The following WDR62 variants were observed in gnomAD, a reference collection of about 807,000 sequenced individuals.
The protein encoded by WDR62 is WD repeat domain 62.
In WDR62, 112 loss-of-function variants were observed where a neutral mutation model predicts 160.6. The observed-to-expected ratio is 0.70, with a 90% CI of 0.60 to 0.82. WDR62 has a LOEUF of 0.82. Ranked by LOEUF, WDR62 falls within the 40% of genes least tolerant of loss-of-function variation. WDR62 has a pLI of 0.00. For synonymous variants in WDR62, 792 were observed against 815.1 expected (o/e 0.97, Z 0.48); for missense variants, 1,819 against 1,983.8 (o/e 0.92, Z 1.58).
intron 1 of WDR62, among the ~76,000 whole-genome samples, chr19:36,057,532 T>TTG (rs1970431206): frequency 6.6e-6 from 1 of 151,648 alleles, no homozygotes; most frequent in Non-Finnish European, 1.5e-5. Context: ...TTTTTTTTTT[T>TTG]GAGACAGAGT....
At chr19:36,093,817 C>T (rs945842422) in intron 19 of WDR62, among the ~76,000 whole-genome samples, 8 of 152,206 alleles carry the variant, frequency 5.3e-5, no homozygotes, top group Admixed American at 2.6e-4. Context: ...AGTTTGCATT[C>T]GTTTGTAGCC....
intron 15 of WDR62, among the ~76,000 whole-genome samples, 173 bp downstream of exon 15, chr19:36,089,479 T>C (rs1972459343): frequency 6.6e-6 from 1 of 152,172 alleles, no homozygotes; most frequent in Non-Finnish European, 1.5e-5. Context: ...TCTTGCTCTG[T>C]TGCCCATGCT....
rs376975462 is a variant in WDR62 at position 36,091,471 on chromosome 19, A to T, written c.2210+6A>T. 3.1e-6 allele frequency: 5 copies of T among 1,613,702 alleles called. No homozygotes were observed. In the African/African-American group the frequency reaches 5.3e-5, roughly 17 times the overall value. ...ATCACAGTATCTGGAGACAGGTGGG[A>T]CATGGACCTTTGGGAGAGTTGTGGC... is the stretch of plus-strand genomic sequence containing the variant. On this transcript the variant is annotated splice_donor_region_variant and intron_variant, in intron 18 of 31. Transcript: ENST00000401500.
At chr19:36,078,564 G>T (rs1441087912) in intron 9 of WDR62, among the ~76,000 whole-genome samples, 4 of 151,890 alleles carry the variant, frequency 2.6e-5, no homozygotes, top group African/African-American at 9.7e-5. Context: ...GCCCAGCGTG[G>T]TGGCTCACGT....
Position 36,092,586 on chromosome 19 carries a change from A to G in WDR62, c.2211-103A>G. 10 of 1,518,742 alleles carry G rather than the reference A, an allele frequency of 6.6e-6. No homozygotes were observed. In the South Asian group the frequency reaches 1.1e-4, roughly 17 times the overall value. The allele number at this position is 1,518,742 out of a possible 1,614,324, so 94.1% of individuals were successfully genotyped here. A position where few individuals can be genotyped will look rare whatever the true frequency, so the allele number is the denominator to read the frequency against. ...TGTGTTTTCCAGGAGCATCTGGAGA[A>G]TGGGGTCCAGGCTGTGGTGTGGGTG... On this transcript the variant is annotated intron_variant, in intron 18 of 31. Transcript: ENST00000401500.
chr19:36,085,414 CTTTTTTTTT>C (rs35753706), intron 12 of WDR62, among the ~76,000 whole-genome samples: 2 of 70,382 alleles, frequency 2.8e-5, no homozygotes, highest in East Asian at 7.8e-4. Context: ...CACACCTGAC[CTTTTTTTTT>C]TTTTTTTTTT....
chr19:36,059,932 C>T, intron 2 of WDR62, 36 bp from the exon 3 acceptor site: 1 of 1,611,904 alleles, frequency 6.2e-7, no homozygotes, highest in Non-Finnish European at 8.5e-7. Flanking sequence ...CCCAACACTC[C>T]CCACAGTTGA....
rs571819574 is a variant in WDR62, at chr19:36,056,211, G to T, written c.177+1063G>T. Among the ~76,000 whole-genome samples the T allele has an allele frequency of 6.6e-5, 10 of 152,196 alleles. No homozygotes were observed. In the East Asian group the frequency reaches 1.9e-3, roughly 29 times the overall value. ...TTATACTATTGCATTGGAGGGAAATGAAATTTTAATTGTGATCTTCTTGGC... is the reference window on the plus strand; with the variant it reads ...TTATACTATTGCATTGGAGGGAAATTAAATTTTAATTGTGATCTTCTTGGC... On this transcript the variant is annotated intron_variant, in intron 1 of 31. Transcript: ENST00000401500.
intron 22 of WDR62, 31 bp downstream of exon 22, chr19:36,099,648 G>T: frequency 1.2e-6 from 2 of 1,610,738 alleles, no homozygotes; most frequent in Admixed American, 1.7e-5. Context: ...CTGGCCCATA[G>T]CCCCGGCACC....
rs965769049 is a variant in WDR62 at position 36,093,956 on chromosome 19, C to T, written c.2334-75C>T. 3 of 1,580,966 alleles carry T rather than the reference C, an allele frequency of 1.9e-6. No individual in the cohort carries two copies. In the African/African-American group the frequency reaches 4.0e-5, roughly 21 times the overall value. On this transcript the variant is annotated intron_variant, in intron 19 of 31. Coordinates refer to ENST00000401500, the MANE Select transcript of WDR62 (RefSeq NM_001083961.2). ...GTTCACATGGAGCTTAGCACAGGGC[C>T]CAGCCCTAGGCAAGTCCCCACCACC...
At chr19:36,068,738 G>A (rs1382941531) in intron 7 of WDR62, among the ~76,000 whole-genome samples, 1 of 152,192 alleles carries the variant, frequency 6.6e-6, no homozygotes, top group Non-Finnish European at 1.5e-5. Context: ...ACAAAATGAA[G>A]TCTCCCATGT....
At chr19:36,064,465 T>C (rs1970828747) in intron 3 of WDR62, among the ~76,000 whole-genome samples, 1 of 151,866 alleles carries the variant, frequency 6.6e-6, no homozygotes, top group South Asian at 2.1e-4. Flanking sequence ...ATTTTTAGTA[T>C]AGACAGGGTT....
At chr19:36,057,053 G>A (rs983125445) in intron 1 of WDR62, among the ~76,000 whole-genome samples, 1 of 152,094 alleles carries the variant, frequency 6.6e-6, no homozygotes, top group Non-Finnish European at 1.5e-5. Context: ...GAGCTCAAGC[G>A]ATCTGCCTGC....
rs1266412866 is a variant in WDR62 at position 36,089,303 on chromosome 19, T to C, written c.1955T>C (p.Val652Ala). The C allele has an allele frequency of 6.2e-7, 1 of 1,614,036 alleles. No homozygotes were observed. Among genetic ancestry groups the C allele is most frequent in the African/African-American group, 1.3e-5 (1 of 74,930 alleles). The change falls in exon 15 of 32, where the codon GTG becomes GCG. Residue 652 changes from valine to alanine, a missense_variant. Val to Ala is a moderately conservative substitution (Grantham distance 64, BLOSUM62 0). This residue lies in a region of WDR62 where 934 missense variants were observed against 1,157.2 expected (regional missense o/e 0.81). Coordinates refer to ENST00000401500, the MANE Select transcript of WDR62 (RefSeq NM_001083961.2). Reference sequence around the variant, plus strand: ...GCCGTGGCCTGCCAGGACCGCAATGTGAGGTAAGGGGTGGCCCTGGACCCT... The same window carrying C: ...GCCGTGGCCTGCCAGGACCGCAATGCGAGGTAAGGGGTGGCCCTGGACCCT... ...YVAVACQDRN[V>A]RVYNTVNGKQ...
rs1311585038 is a variant in WDR62, at chr19:36,103,373, T to A, written c.3545T>A (p.Val1182Asp). 1.2e-6 allele frequency: 2 copies of A among 1,613,766 alleles called. No individual in the cohort carries two copies. Among genetic ancestry groups the A allele is most frequent in the East Asian group, 2.2e-5 (1 of 44,828 alleles). ...PPCLTSLASCVPASSVLPTDR... is the reference protein window; with the variant it reads ...PPCLTSLASCDPASSVLPTDR... Reference sequence around the variant, plus strand: ...TGCCTTACGAGCCTGGCGTCCTGTGTCCCTGCTTCCTCCGTGCTGCCCACA... The same window carrying A: ...TGCCTTACGAGCCTGGCGTCCTGTGACCCTGCTTCCTCCGTGCTGCCCACA... The change falls in exon 30 of 32, where the codon GTC becomes GAC. Residue 1182 changes from valine to aspartate, a missense_variant. This residue lies in a region of WDR62 where 770 missense variants were observed against 734.2 expected (regional missense o/e 1.05). Coordinates refer to ENST00000401500, the MANE Select transcript of WDR62 (RefSeq NM_001083961.2).
chr19:36,073,211 G>A, intron 8 of WDR62, 131 bp from the exon 9 acceptor site: 1 of 878,080 alleles, frequency 1.1e-6, no homozygotes, highest in Non-Finnish European at 1.9e-6. Context: ...TAGAATTGGA[G>A]CAGGAGAGAT....
At chr19:36,079,342 G>A (rs991818676) in intron 9 of WDR62, among the ~76,000 whole-genome samples, 3 of 152,198 alleles carry the variant, frequency 2.0e-5, no homozygotes, top group Non-Finnish European at 2.9e-5. Flanking sequence ...GCCTCCCAAA[G>A]TGCTGGGATT....
At chr19:36,097,554 G>T (rs546946906) in intron 21 of WDR62, among the ~76,000 whole-genome samples, 10 of 151,468 alleles carry the variant, frequency 6.6e-5, no homozygotes, top group Admixed American at 5.3e-4. Context: ...ACACTCCAGC[G>T]TGGGCAACAG....
At chr19:36,067,517 C>A in intron 6 of WDR62, 74 bp downstream of exon 6, 2 of 1,603,532 alleles carry the variant, frequency 1.2e-6, no homozygotes, top group Non-Finnish European at 1.7e-6. Flanking sequence ...TCTCCTGTTT[C>A]TCCCTGAGAT....
Sources: gnomAD v4.1 joint callset for allele counts (sites outside exome capture counted in the v4.1 genomes callset) on GRCh38, gnomAD v4.1.1 for gene constraint, gnomAD v4.1.1 regional missense constraint, MANE v1.5 for transcripts, NCBI Gene and HGNC (gene_info 2026-07-23, HGNC 2026-07-21) for gene names.